The following ATP6V1H variants were observed in gnomAD, a reference collection of about 807,000 sequenced individuals.
ATP6V1H encodes V-type proton ATPase subunit H.
A neutral mutation model predicts 71.7 loss-of-function variants in ATP6V1H; 39 were observed. The observed-to-expected ratio is 0.54, with a 90% CI of 0.42 to 0.71. The LOEUF is 0.71. ATP6V1H is among the 30% of genes least tolerant of loss of function. The pLI is 0.00. For synonymous variants in ATP6V1H, 192 were observed against 199.3 expected (o/e 0.96, Z 0.31); for missense variants, 509 against 594.9 (o/e 0.86, Z 1.50).
At chr8:53,802,933 G>A (rs1189348664) in intron 7 of ATP6V1H, among the ~76,000 whole-genome samples, 2 of 152,154 alleles carry the variant, frequency 1.3e-5, no homozygotes, top group Non-Finnish European at 1.5e-5. Context: ...AAATAAACAG[G>A]AGTAATACTC....
At chr8:53,737,958 C>A (rs1426346136) in intron 13 of ATP6V1H, among the ~76,000 whole-genome samples, 2 of 152,014 alleles carry the variant, frequency 1.3e-5, no homozygotes, top group African/African-American at 4.8e-5. Context: ...ATTTTTTCCC[C>A]CATCATGACT....
At chr8:53,807,817 A>C (rs769311873) in intron 7 of ATP6V1H, among the ~76,000 whole-genome samples, 36 of 152,244 alleles carry the variant, frequency 2.4e-4, no homozygotes, top group Non-Finnish European at 4.9e-4. Context: ...ATATATTTCA[A>C]TAAGGCTCTT....
Position 53,805,052 on chromosome 8 carries a change from C to A in ATP6V1H, c.580-3156G>T, listed in dbSNP as rs150667173. Reference sequence around the variant, plus strand: ...AACTGCAAAATAAGTATGCAATAAACGAAACATAAAAACATCAATGATACT... The same window carrying A: ...AACTGCAAAATAAGTATGCAATAAAAGAAACATAAAAACATCAATGATACT... On this transcript the variant is annotated intron_variant, in intron 7 of 13. Coordinates refer to ENST00000359530, the MANE Select transcript of ATP6V1H (RefSeq NM_015941.4). Among the ~76,000 whole-genome samples, 338 of 152,082 alleles carry A rather than the reference C, an allele frequency of 2.2e-3. 2 individuals are homozygous for A. The highest frequency in any genetic ancestry group is 7.9e-3 in the African/African-American group (327 of 41,504).
intron 13 of ATP6V1H, among the ~76,000 whole-genome samples, chr8:53,724,276 C>A (rs1480890073): frequency 1.3e-5 from 2 of 152,036 alleles, no homozygotes; most frequent in Non-Finnish European, 2.9e-5. Flanking sequence ...ATATGGCCCC[C>A]CAAAACCTAA....
At chr8:53,744,144 G>A (rs1242778435) in intron 12 of ATP6V1H, among the ~76,000 whole-genome samples, 1 of 152,014 alleles carries the variant, frequency 6.6e-6, no homozygotes, top group African/African-American at 2.4e-5. Context: ...AGATAGCAGG[G>A]AACAGGGGGT....
At chr8:53,784,366 CTTTT>C (rs1241649153) in intron 9 of ATP6V1H, among the ~76,000 whole-genome samples, 2 of 152,182 alleles carry the variant, frequency 1.3e-5, no homozygotes, top group African/African-American at 4.8e-5. Context: ...CAACCCCTGC[CTTTT>C]TTTGTTTTCC....
intron 13 of ATP6V1H, among the ~76,000 whole-genome samples, chr8:53,730,952 T>C (rs79469577): frequency 6.6e-6 from 1 of 152,116 alleles, no homozygotes; most frequent in Non-Finnish European, 1.5e-5. Context: ...ATGAGAAAGA[T>C]AAACCCCTTA....
chr8:53,790,721 A>G (rs1300035734), intron 9 of ATP6V1H, among the ~76,000 whole-genome samples: 1 of 152,212 alleles, frequency 6.6e-6, no homozygotes, highest in East Asian at 1.9e-4. Context: ...AGGAGGGCCA[A>G]GCATGATCCA....
chr8:53,829,475 T>C lies in ATP6V1H; in HGVS notation c.275A>G (p.Tyr92Cys), dbSNP rs1554570043. The change falls in exon 4 of 14, where the codon TAT becomes TGT. Residue 92 changes from tyrosine to cysteine, a missense_variant. By Grantham distance (194) the Tyr-to-Cys change is radical. Transcript: ENST00000359530. ...THICKEQTVQ[Y>C]ILTMVDDMLQ... The stretch of plus-strand genomic sequence containing the variant: ...CATATCATCCACCATAGTTAGTATA[T>C]ACTGAACGGTCTGTTCTTTGCAGAT... 1.2e-6 allele frequency: 2 copies of C among 1,605,842 alleles called. No individual in the cohort carries two copies. The highest frequency in any genetic ancestry group is 1.3e-5 in the African/African-American group (1 of 74,752).
At chr8:53,753,806 T>A (rs542305583) in intron 12 of ATP6V1H, among the ~76,000 whole-genome samples, 1 of 152,236 alleles carries the variant, frequency 6.6e-6, no homozygotes, top group Non-Finnish European at 1.5e-5. Context: ...GATATTAATT[T>A]TGGACAGCTC....
At chr8:53,793,316 C>A (rs140607959) in intron 9 of ATP6V1H, among the ~76,000 whole-genome samples, 1 of 152,228 alleles carries the variant, frequency 6.6e-6, no homozygotes, top group East Asian at 1.9e-4. Flanking sequence ...TAAATCTGCA[C>A]ATTTTTGAAA....
intron 13 of ATP6V1H, among the ~76,000 whole-genome samples, chr8:53,718,083 TCTGGTCACAGA>T (rs1322007414): frequency 6.6e-6 from 1 of 152,180 alleles, no homozygotes; most frequent in Admixed American, 6.6e-5. Flanking sequence ...GTCCTGTGCG[TCTGGTCACAGA>T]CAGGCTCCCA....
intron 11 of ATP6V1H, among the ~76,000 whole-genome samples, chr8:53,768,612 A>T (rs1808546788): frequency 6.6e-6 from 1 of 152,218 alleles, no homozygotes; most frequent in Admixed American, 6.5e-5. Context: ...ATAAAAAGGA[A>T]TGAAGTAGTG....
At chr8:53,769,543 G>T in intron 11 of ATP6V1H, 75 bp downstream of exon 11, 1 of 1,406,484 alleles carries the variant, frequency 7.1e-7, no homozygotes. Context: ...CTAAAATTTA[G>T]AGTGACAAAA....
At chr8:53,804,945 T>C (rs1810030275) in intron 7 of ATP6V1H, among the ~76,000 whole-genome samples, 1 of 152,124 alleles carries the variant, frequency 6.6e-6, no homozygotes, top group South Asian at 2.1e-4. Flanking sequence ...ACAAAGATAA[T>C]AGCAACTACA....
intron 11 of ATP6V1H, among the ~76,000 whole-genome samples, chr8:53,760,932 C>T (rs1289670105): frequency 6.6e-6 from 1 of 152,102 alleles, no homozygotes; most frequent in East Asian, 1.9e-4. Context: ...TCAGAAGAAG[C>T]CTCTTTAAAA....
At chr8:53,785,125 C>G (rs547850746) in intron 9 of ATP6V1H, among the ~76,000 whole-genome samples, 1 of 151,894 alleles carries the variant, frequency 6.6e-6, no homozygotes. Context: ...TAATATCCTG[C>G]AGAGTGTTTT....
chr8:53,819,463 TGGA>T lies in ATP6V1H; in HGVS notation c.307-1936_307-1934del, dbSNP rs546257062. Among the ~76,000 whole-genome samples, 18 of 139,350 alleles carry T rather than the reference TGGA, an allele frequency of 1.3e-4. No individual in the cohort carries two copies. The East Asian group carries it at 3.7e-3, about 29-fold the overall frequency. The allele number at this position is 139,350 out of a possible 152,430, so 91.4% of individuals were successfully genotyped here. On this transcript the variant is annotated intron_variant, in intron 4 of 13. Coordinates refer to ENST00000359530, the MANE Select transcript of ATP6V1H (RefSeq NM_015941.4). ...AGGAGAATCGCTTGAACCTGGTGGG[TGGA>T]GGTTATAGTGAGCTGAGATTGTGCC...
intron 4 of ATP6V1H, among the ~76,000 whole-genome samples, chr8:53,827,923 T>TC (rs1228630391): frequency 6.6e-6 from 1 of 152,174 alleles, no homozygotes; most frequent in East Asian, 1.9e-4. Context: ...CCATCCATGT[T>TC]CCTGCAAAGG....
Sources: gnomAD v4.1 joint callset for allele counts (sites outside exome capture counted in the v4.1 genomes callset) on GRCh38, gnomAD v4.1.1 for gene constraint, MANE v1.5 for transcripts, NCBI Gene and HGNC (gene_info 2026-07-23, HGNC 2026-07-21) for gene names.